NFIC: variants seen among roughly 807,000 people sequenced by gnomAD.
NFIC encodes nuclear factor I C, also known as nuclear factor 1 C-type.
Under a neutral mutation model 54.4 loss-of-function variants are expected in NFIC, and 12 were observed. The ratio of observed to expected loss-of-function variants is 0.22; its 90% CI spans 0.14 to 0.36. The LOEUF (loss-of-function observed/expected upper bound fraction) is 0.36. Among genes scored for constraint, NFIC ranks in the 10% least tolerant of loss-of-function variants. The pLI is 1.00. For synonymous variants in NFIC, 322 were observed against 319.2 expected (o/e 1.01, Z -0.09); for missense variants, 575 against 718.2 (o/e 0.80, Z 2.28).
chr19:3,390,867 G>A (rs1436712954), intron 2 of NFIC, among the ~76,000 whole-genome samples: 1 of 151,822 alleles, frequency 6.6e-6, no homozygotes, highest in Non-Finnish European at 1.5e-5. Context: ...GGGCTGGGGA[G>A]GGGGCTGGGG....
chr19:3,371,998 C>CCTCTCTCTCTCTCTCTCT (rs56852086), intron 1 of NFIC, among the ~76,000 whole-genome samples: 4 of 35,414 alleles, frequency 1.1e-4, no homozygotes, highest in Admixed American at 4.3e-4. Flanking sequence ...CCTCTCTCTC[C>CCTCTCTCTCTCTCTCTCT]CTCTCTCTCT....
chr19:3,435,327 G>C (rs1207370835), intron 6 of NFIC, 120 bp downstream of exon 6: 1 of 1,354,628 alleles, frequency 7.4e-7, no homozygotes, highest in African/African-American at 1.5e-5. Flanking sequence ...GGAGCCGCGG[G>C]GCCTCCTGGG....
intron 2 of NFIC, among the ~76,000 whole-genome samples, chr19:3,417,196 C>T (rs916708725): frequency 6.6e-6 from 1 of 152,034 alleles, no homozygotes; most frequent in Admixed American, 6.6e-5. Flanking sequence ...AATCCCAGTG[C>T]TTTTGGAGGC....
At chr19:3,405,485 C>T (rs2081633478) in intron 2 of NFIC, among the ~76,000 whole-genome samples, 1 of 152,170 alleles carries the variant, frequency 6.6e-6, no homozygotes. Context: ...ACAGCACTGG[C>T]AAAACTGACA....
chr19:3,392,032 A>AG (rs899890548), intron 2 of NFIC, among the ~76,000 whole-genome samples: 1 of 146,514 alleles, frequency 6.8e-6, no homozygotes, highest in African/African-American at 2.5e-5. Flanking sequence ...AATTGAGCAT[A>AG]GGGGGTGCCT....
intron 6 of NFIC, among the ~76,000 whole-genome samples, chr19:3,439,881 G>A (rs368781593): frequency 4.0e-5 from 6 of 151,510 alleles, no homozygotes; most frequent in African/African-American, 1.2e-4. Context: ...GTAGAGACGG[G>A]GTTTCACCGT....
chr19:3,429,221 A>C (rs2145616128), intron 3 of NFIC, among the ~76,000 whole-genome samples: 1 of 106,912 alleles, frequency 9.4e-6, no homozygotes, highest in Admixed American at 1.2e-4. Context: ...GCAAGACCCT[A>C]TCTCTACCCC....
chr19:3,434,234 G>A, intron 4 of NFIC, 43 bp from the exon 5 acceptor site: 1 of 1,585,232 alleles, frequency 6.3e-7, no homozygotes, highest in Non-Finnish European at 8.6e-7. Context: ...CCGCAGCACT[G>A]GGCACTGCTT....
chr19:3,450,650 A>T (rs1416404196), intron 7 of NFIC, among the ~76,000 whole-genome samples: 1 of 151,626 alleles, frequency 6.6e-6, no homozygotes, highest in African/African-American at 2.4e-5. Flanking sequence ...GCAAGACTCC[A>T]TCTCAAAAAA....
chr19:3,455,116 T>C (rs900267146), intron 9 of NFIC, among the ~76,000 whole-genome samples: 6 of 152,210 alleles, frequency 3.9e-5, no homozygotes, highest in African/African-American at 1.4e-4. Context: ...GGACATTCCA[T>C]GTGGCGCCTG....
rs543262321 is a variant in NFIC, at chr19:3,415,345, C to A, written c.563-9761C>A. ...CATATTGTCCAGGCTGGTCCCAAAC[C>A]CCTGACCTCAAGTAATCCTCCTGCC... On this transcript the variant is annotated intron_variant, in intron 2 of 10. Coordinates refer to ENST00000443272, the MANE Select transcript of NFIC (RefSeq NM_001245002.2). Among the ~76,000 whole-genome samples the A allele has an allele frequency of 9.3e-5, 14 of 150,554 alleles. No homozygotes were observed. In the South Asian group the frequency reaches 2.9e-3, roughly 32 times the overall value.
chr19:3,431,360 C>CTTTTT (rs71164702), intron 3 of NFIC, among the ~76,000 whole-genome samples: 4 of 84,168 alleles, frequency 4.8e-5, no homozygotes, highest in Admixed American at 1.7e-4. Context: ...TTTCCTTCTT[C>CTTTTT]TTTTTTTTTT....
At chr19:3,411,475 A>G (rs2081759029) in intron 2 of NFIC, among the ~76,000 whole-genome samples, 1 of 151,748 alleles carries the variant, frequency 6.6e-6, no homozygotes, top group East Asian at 1.9e-4. Context: ...CTACAGGCAC[A>G]CACCACCATG....
At chr19:3,371,896 C>CTTCT (rs1555739183) in intron 1 of NFIC, among the ~76,000 whole-genome samples, 29 of 104,660 alleles carry the variant, frequency 2.8e-4, no homozygotes, top group South Asian at 7.5e-4. Flanking sequence ...TCCTTCCTTC[C>CTTCT]TTCCTTCCTT....
chr19:3,433,432 C>A, intron 3 of NFIC, 86 bp from the exon 4 acceptor site: 1 of 1,422,284 alleles, frequency 7.0e-7, no homozygotes, highest in Non-Finnish European at 9.8e-7. Context: ...CTCGGGCCAG[C>A]CCCCAGGAGT....
chr19:3,379,673 C>CTTTTTTTTTT (rs370082450), intron 1 of NFIC, among the ~76,000 whole-genome samples: 13 of 102,534 alleles, frequency 1.3e-4, no homozygotes, highest in African/African-American at 4.2e-4. Flanking sequence ...TTATTTCTTT[C>CTTTTTTTTTT]TTTTTTTTTT....
At chr19:3,439,070 C>G (rs1411377130) in intron 6 of NFIC, among the ~76,000 whole-genome samples, 1 of 151,696 alleles carries the variant, frequency 6.6e-6, no homozygotes, top group African/African-American at 2.4e-5. Context: ...TCCTTAACCT[C>G]TCTGCCCCTC....
chr19:3,450,117 G>A (rs968415074), intron 7 of NFIC, among the ~76,000 whole-genome samples: 14 of 150,978 alleles, frequency 9.3e-5, no homozygotes, highest in Admixed American at 5.9e-4. Flanking sequence ...ATTTCAAGGC[G>A]GGCGGATTAC....
At chr19:3,398,660 C>T (rs889808930) in intron 2 of NFIC, among the ~76,000 whole-genome samples, 3 of 152,120 alleles carry the variant, frequency 2.0e-5, no homozygotes, top group Admixed American at 1.3e-4. Context: ...GTGACAGCTC[C>T]GGGTGGCTAC....
Sources: gnomAD v4.1 joint callset for allele counts (sites outside exome capture counted in the v4.1 genomes callset) on GRCh38, gnomAD v4.1.1 for gene constraint, MANE v1.5 for transcripts, NCBI Gene and HGNC (gene_info 2026-07-23, HGNC 2026-07-21) for gene names.